The following FAM167A variants were observed in gnomAD, a reference collection of about 807,000 sequenced individuals.
FAM167A encodes family with sequence similarity 167 member A, also known as protein FAM167A.
FAM167A carries 23 observed loss-of-function variants against 14.9 expected under a neutral mutation model. That is an observed-to-expected ratio of 1.55 (90% CI 1.11 to 2.19). The LOEUF is 2.19. Ranked by LOEUF, FAM167A falls within the 30% of genes most tolerant of loss-of-function variation. The pLI, the probability that FAM167A is intolerant of heterozygous loss-of-function variation, is 0.00. For synonymous variants in FAM167A, 174 were observed against 117.7 expected (o/e 1.48, Z -3.10); for missense variants, 401 against 281.5 (o/e 1.42, Z -3.04).
chr8:11,424,077 C>T lies in FAM167A; in HGVS notation c.*296G>A, dbSNP rs947549133. 2.0e-5 allele frequency: 7 copies of T among 342,802 alleles called. No individual in the cohort carries two copies. Among genetic ancestry groups the T allele is most frequent in the South Asian group, 5.1e-5 (1 of 19,666 alleles). The allele number at this position is 342,802 out of a possible 1,614,324, so 21.2% of individuals were successfully genotyped here. A position where few individuals can be genotyped will look rare whatever the true frequency, so the allele number is the denominator to read the frequency against. On this transcript the variant is annotated 3_prime_UTR_variant, in exon 3 of 3. Coordinates refer to ENST00000284486, the MANE Select transcript of FAM167A (RefSeq NM_053279.3). ...TGATTCCAGGAAACAGGAACGTGAC[C>T]GTGGAGGGATGGATTATGGTGGGAA...
intron 1 of FAM167A, among the ~76,000 whole-genome samples, chr8:11,451,370 C>T (rs1021774842): frequency 8.0e-5 from 12 of 150,296 alleles, no homozygotes; most frequent in African/African-American, 2.2e-4. Flanking sequence ...GTATACCTTC[C>T]GCCTTTTTTG....
intron 2 of FAM167A, among the ~76,000 whole-genome samples, chr8:11,431,893 CAAAAAAAAAA>C (rs748615997): frequency 0.14 from 2,154 of 15,638 alleles, 137 homozygotes; most frequent in African/African-American, 0.3. Flanking sequence ...GACCAATTGG[CAAAAAAAAAA>C]AAAAAAAAAA....
chr8:11,430,543 G>C (rs1805509822), intron 2 of FAM167A, among the ~76,000 whole-genome samples: 1 of 152,222 alleles, frequency 6.6e-6, no homozygotes, highest in Non-Finnish European at 1.5e-5. Flanking sequence ...TAGGTGAACT[G>C]TATGGTATGT....
chr8:11,421,707 A>G lies in FAM167A; in HGVS notation c.*2666T>C. On this transcript the variant is annotated 3_prime_UTR_variant, in exon 3 of 3. Transcript: ENST00000284486. ...ACTGAGCCCCTGAAGGCATCAAGAC[A>G]TGACCACGCATGGCAGTGTCGGTGG... The G allele has an allele frequency of 2.5e-6, 1 of 399,062 alleles. No individual in the cohort carries two copies. Among genetic ancestry groups the G allele is most frequent in the Non-Finnish European group, 4.4e-6 (1 of 226,082 alleles). 24.7% of individuals were successfully genotyped at this position (399,062 alleles called of 1,614,324 possible).
chr8:11,475,673 A>G (rs1797854701), intron 1 of FAM167A, among the ~76,000 whole-genome samples: 1 of 152,144 alleles, frequency 6.6e-6, no homozygotes, highest in Admixed American at 6.5e-5. Flanking sequence ...TCCAGTACCA[A>G]TTATATGATC....
intron 2 of FAM167A, chr8:11,435,054 C>T: frequency 4.4e-6 from 2 of 456,934 alleles, no homozygotes; most frequent in Middle Eastern, 3.2e-4. Context: ...TCTGTCTCCA[C>T]TCAAGAGGCT....
intron 1 of FAM167A, among the ~76,000 whole-genome samples, chr8:11,459,033 T>C (rs368643606): frequency 6.6e-6 from 1 of 152,246 alleles, no homozygotes; most frequent in South Asian, 2.1e-4. Context: ...CAACACATAC[T>C]TTCTGATAAT....
chr8:11,456,325 ATGGG>A (rs540162424), intron 1 of FAM167A, among the ~76,000 whole-genome samples: 6 of 101,414 alleles, frequency 5.9e-5, no homozygotes, highest in African/African-American at 2.1e-4. Flanking sequence ...CTGGGTGTGT[ATGGG>A]TGTGAGTGTG....
intron 1 of FAM167A, among the ~76,000 whole-genome samples, chr8:11,455,111 G>A (rs1160669608): frequency 6.6e-6 from 1 of 152,124 alleles, no homozygotes; most frequent in African/African-American, 2.4e-5. Flanking sequence ...CACGTGGCAG[G>A]GATGGGTTGC....
At position 11,422,014 on chromosome 8, in the gene FAM167A, C is replaced by G. The variant is rs1016051666; in HGVS notation, c.*2359G>C. On this transcript the variant is annotated 3_prime_UTR_variant, in exon 3 of 3. Transcript: ENST00000284486. ...CCCCTCCACTTCTCATCTTGGGTCA[C>G]CTCCTCATCCCATAATAAAGTTCTC... 1.3e-5 allele frequency: 5 copies of G among 394,382 alleles called. No homozygotes were observed. The highest frequency in any genetic ancestry group is 8.2e-5 in the African/African-American group (4 of 48,534). 24.4% of individuals were successfully genotyped at this position (394,382 alleles called of 1,614,324 possible). A position where few individuals can be genotyped will look rare whatever the true frequency, so the allele number is the denominator to read the frequency against.
rs574462406 is a variant in FAM167A at position 11,422,783 on chromosome 8, A to C, written c.*1590T>G. On this transcript the variant is annotated 3_prime_UTR_variant, in exon 3 of 3. Transcript: ENST00000284486. ...CTGAGATTACACAGGAAGAAGTCAC[A>C]GTAGACAGAGCAGCCAGATGCCGTG... The C allele has an allele frequency of 1.3e-5, 2 of 152,396 alleles. No homozygotes were observed. Among genetic ancestry groups the C allele is most frequent in the African/African-American group, 4.8e-5 (2 of 41,444 alleles). 9.4% of individuals were successfully genotyped at this position (152,396 alleles called of 1,614,324 possible). A position where few individuals can be genotyped will look rare whatever the true frequency, so the allele number is the denominator to read the frequency against.
At position 11,447,253 on chromosome 8, in the gene FAM167A, C is replaced by G. The variant is rs530490150; in HGVS notation, c.-397-2445G>C. Among the ~76,000 whole-genome samples the G allele has an allele frequency of 4.7e-5, 7 of 149,204 alleles. 1 individual carries two copies. Among genetic ancestry groups the G allele is most frequent in the African/African-American group, 1.7e-4 (7 of 40,134 alleles). Reference sequence around the variant, plus strand: ...CTGGAGTGCAATGGCGTGATCTTGGCTCACTGCCACCTCCACCTCTTGGGT... The same window carrying G: ...CTGGAGTGCAATGGCGTGATCTTGGGTCACTGCCACCTCCACCTCTTGGGT... On this transcript the variant is annotated intron_variant, in intron 1 of 2. Transcript: ENST00000284486.
chr8:11,427,893 T>A (rs573345022), intron 2 of FAM167A, among the ~76,000 whole-genome samples: 11 of 152,216 alleles, frequency 7.2e-5, no homozygotes, highest in African/African-American at 1.2e-4. Flanking sequence ...AGCACCAAAT[T>A]AATGATGATA....
rs138412922 is a variant in FAM167A at position 11,446,539 on chromosome 8, G to T, written c.-397-1731C>A. On this transcript the variant is annotated intron_variant, in intron 1 of 2. Coordinates refer to ENST00000284486, the MANE Select transcript of FAM167A (RefSeq NM_053279.3). ...TGTGCAGCCGGGGTGGAGAACCACT[G>T]TCTCCAGATGCAGACACTAGAGTTG... is the stretch of plus-strand genomic sequence containing the variant. 11 of 152,302 alleles carry T rather than the reference G, an allele frequency of 7.2e-5. No homozygotes were observed. The East Asian group carries it at 1.9e-3, about 27-fold the overall frequency. The allele number at this position is 152,302 out of a possible 1,614,324, so 9.4% of individuals were successfully genotyped here. A position where few individuals can be genotyped will look rare whatever the true frequency, so the allele number is the denominator to read the frequency against.
intron 2 of FAM167A, among the ~76,000 whole-genome samples, chr8:11,434,514 AG>A (rs1319919977): frequency 6.6e-6 from 1 of 152,160 alleles, no homozygotes; most frequent in African/African-American, 2.4e-5. Context: ...GAGAGACGAC[AG>A]CCCCAGAGCC....
In FAM167A at chr8:11,421,862, G is replaced by T. The variant is rs1359896472; in HGVS notation, c.*2511C>A. On this transcript the variant is annotated 3_prime_UTR_variant, in exon 3 of 3. Coordinates refer to ENST00000284486, the MANE Select transcript of FAM167A (RefSeq NM_053279.3). ...CTGGGACGGAGGTTAGGCCAATGTTGCTGCTGACTCATAGACCCACAGAGA... is the reference window on the plus strand; with the variant it reads ...CTGGGACGGAGGTTAGGCCAATGTTTCTGCTGACTCATAGACCCACAGAGA... 7.6e-6 allele frequency: 3 copies of T among 396,454 alleles called. No individual in the cohort carries two copies. Among genetic ancestry groups the T allele is most frequent in the Non-Finnish European group, 1.3e-5 (3 of 224,608 alleles). The allele number at this position is 396,454 out of a possible 1,614,324, so 24.6% of individuals were successfully genotyped here.
intron 2 of FAM167A, among the ~76,000 whole-genome samples, chr8:11,443,341 T>C (rs1310049397): frequency 6.6e-6 from 1 of 152,206 alleles, no homozygotes; most frequent in Non-Finnish European, 1.5e-5. Flanking sequence ...AGCAGGAAAG[T>C]GACCGCGCTG....
intron 1 of FAM167A, among the ~76,000 whole-genome samples, chr8:11,460,413 T>G (rs1585279130): frequency 6.6e-6 from 1 of 152,214 alleles, no homozygotes; most frequent in East Asian, 1.9e-4. Flanking sequence ...CCCTGACACA[T>G]GCAGAGTCAG....
At chr8:11,460,407 G>C (rs1302509942) in intron 1 of FAM167A, among the ~76,000 whole-genome samples, 1 of 152,174 alleles carries the variant, frequency 6.6e-6, no homozygotes, top group Non-Finnish European at 1.5e-5. Flanking sequence ...CTTCCACCCT[G>C]ACACATGCAG....
Sources: gnomAD v4.1 joint callset for allele counts (sites outside exome capture counted in the v4.1 genomes callset) on GRCh38, gnomAD v4.1.1 for gene constraint, MANE v1.5 for transcripts, NCBI Gene and HGNC (gene_info 2026-07-23, HGNC 2026-07-21) for gene names.